STPG4: variants seen among roughly 807,000 people sequenced by gnomAD.
STPG4 encodes sperm-tail PG-rich repeat containing 4, also known as protein STPG4.
Under a neutral mutation model 31.5 loss-of-function variants are expected in STPG4, and 41 were observed. The observed-to-expected ratio is 1.30, with a 90% CI of 1.01 to 1.69. The LOEUF (loss-of-function observed/expected upper bound fraction) is 1.69, where lower values mean the gene tolerates loss of function less well. Among genes scored for constraint, STPG4 ranks in the 40% most tolerant of loss-of-function variants. The probability of loss-of-function intolerance (pLI) is 0.00; values close to 1 mark genes in which losing one functional copy is unlikely to be tolerated. For missense variants in STPG4, 375 were observed against 293.4 expected (o/e 1.28, Z -2.03); for synonymous variants, 141 against 103.0 (o/e 1.37, Z -2.24).
At chr2:47,143,516 C>T (rs1326335151) in intron 3 of STPG4, among the ~76,000 whole-genome samples, 4 of 149,238 alleles carry the variant, frequency 2.7e-5, no homozygotes, top group African/African-American at 4.9e-5. Flanking sequence ...GACAGATTCT[C>T]GCTCTGTCGC....
intron 3 of STPG4, among the ~76,000 whole-genome samples, chr2:47,143,078 G>T (rs1264709520): frequency 6.6e-6 from 1 of 151,678 alleles, no homozygotes; most frequent in African/African-American, 2.4e-5. Context: ...TGCCTGCCTC[G>T]GCCTCCCAAA....
chr2:47,106,942 C>T (rs983405553), intron 5 of STPG4, among the ~76,000 whole-genome samples: 3 of 152,012 alleles, frequency 2.0e-5, no homozygotes, highest in African/African-American at 7.3e-5. Flanking sequence ...ACCCCTGGAC[C>T]GACCCACTGG....
In STPG4 at chr2:47,151,665, A is replaced by C. The variant is rs1287892202; in HGVS notation, c.142-150T>G. The C allele has an allele frequency of 6.1e-6, 4 of 654,540 alleles. No individual in the cohort carries two copies. In the South Asian group the frequency reaches 7.9e-5, roughly 13 times the overall value. The allele number at this position is 654,540 out of a possible 1,614,324, so 40.5% of individuals were successfully genotyped here. Reference sequence around the variant, plus strand: ...AAATACAGTAAACACTCTTGACAGAAGAGTATTTCAAAATCATGATTATTT... The same window carrying C: ...AAATACAGTAAACACTCTTGACAGACGAGTATTTCAAAATCATGATTATTT... On this transcript the variant is annotated intron_variant, in intron 2 of 6. Transcript: ENST00000445927.
chr2:47,142,897 G>A (rs905708312), intron 3 of STPG4, among the ~76,000 whole-genome samples: 1 of 140,156 alleles, frequency 7.1e-6, no homozygotes, highest in African/African-American at 2.7e-5. Context: ...AGGCTGGAGT[G>A]CAGTGGCGCG....
chr2:47,096,980 G>C (rs188370429), intron 5 of STPG4, among the ~76,000 whole-genome samples: 13 of 152,246 alleles, frequency 8.5e-5, no homozygotes, highest in African/African-American at 2.9e-4. Context: ...GGAGAGGCAA[G>C]TGATATGAGG....
chr2:47,153,915 G>A (rs184072944), intron 1 of STPG4, among the ~76,000 whole-genome samples: 1,830 of 152,278 alleles, frequency 0.012, 23 homozygotes, highest in Middle Eastern at 0.02. Context: ...AGTTTCCAAG[G>A]AAGCTTTTGT....
intron 3 of STPG4, among the ~76,000 whole-genome samples, chr2:47,132,638 G>A (rs1454399144): frequency 6.6e-6 from 1 of 152,148 alleles, no homozygotes; most frequent in Admixed American, 6.6e-5. Flanking sequence ...GTGTCTTATA[G>A]AAGCACAGAA....
intron 5 of STPG4, among the ~76,000 whole-genome samples, chr2:47,120,249 T>C (rs1686239419): frequency 6.6e-6 from 1 of 152,152 alleles, no homozygotes; most frequent in Non-Finnish European, 1.5e-5. Context: ...GAGAATCACT[T>C]GAACCCGGGA....
At chr2:47,131,510 T>C (rs1343571031) in intron 3 of STPG4, among the ~76,000 whole-genome samples, 1 of 152,134 alleles carries the variant, frequency 6.6e-6, no homozygotes, top group Non-Finnish European at 1.5e-5. Context: ...GCAGCACTAG[T>C]ACTAGGGAAT....
intron 2 of STPG4, 76 bp from the exon 3 acceptor site, chr2:47,151,591 G>A (rs1686938788): frequency 1.9e-5 from 23 of 1,230,952 alleles, no homozygotes; most frequent in Non-Finnish European, 2.7e-5. Flanking sequence ...TGGATGGGAA[G>A]CTCCCAAGTA....
In STPG4 at chr2:47,089,512, A is replaced by G. The variant is rs538679669; in HGVS notation, c.624+758T>C. On this transcript the variant is annotated intron_variant, in intron 6 of 6. Coordinates refer to ENST00000445927, the MANE Select transcript of STPG4 (RefSeq NM_001163561.2). Reference sequence around the variant, plus strand: ...CCCCTTGACTCCCCTGGGTGGGCCCATTTTCTTACAGGCAGAATTTGTATT... The same window carrying G: ...CCCCTTGACTCCCCTGGGTGGGCCCGTTTTCTTACAGGCAGAATTTGTATT... Among the ~76,000 whole-genome samples the G allele has an allele frequency of 2.0e-5, 3 of 152,156 alleles. No individual in the cohort carries two copies. The South Asian group carries it at 6.2e-4, about 32-fold the overall frequency.
In STPG4 at chr2:47,125,514, C is replaced by A. The variant is rs185931576; in HGVS notation, c.519+4427G>T. On this transcript the variant is annotated intron_variant, in intron 5 of 6. Coordinates refer to ENST00000445927, the MANE Select transcript of STPG4 (RefSeq NM_001163561.2). ...CAGACGGATAGTTTGCAAATATTGT[C>A]CCCCATTATGTGGGTCGTCTCTTCA... 3.1e-4 allele frequency among the ~76,000 whole-genome samples: 47 copies of A among 152,292 alleles called. 1 individual carries two copies. In the East Asian group the frequency reaches 8.7e-3, roughly 28 times the overall value.
At chr2:47,088,835 G>A (rs1289465918) in intron 6 of STPG4, among the ~76,000 whole-genome samples, 1 of 152,192 alleles carries the variant, frequency 6.6e-6, no homozygotes, top group Admixed American at 6.5e-5. Flanking sequence ...GTCAAAGGAA[G>A]CTGAAGCCTT....
intron 6 of STPG4, among the ~76,000 whole-genome samples, chr2:47,087,863 C>G (rs1333899876): frequency 6.6e-6 from 1 of 152,126 alleles, no homozygotes; most frequent in African/African-American, 2.4e-5. Flanking sequence ...ATTCTCCTGC[C>G]TCAGCCTCCC....
intron 3 of STPG4, among the ~76,000 whole-genome samples, chr2:47,141,534 G>T (rs1686707171): frequency 6.8e-6 from 1 of 148,068 alleles, no homozygotes; most frequent in Non-Finnish European, 1.5e-5. Context: ...TACTTTGCAG[G>T]GGCTCTTTGA....
chr2:47,093,877 G>A (rs901339480), intron 5 of STPG4, among the ~76,000 whole-genome samples: 9 of 152,238 alleles, frequency 5.9e-5, no homozygotes, highest in African/African-American at 1.4e-4. Context: ...TGACTATTCT[G>A]AGACTGCTCA....
rs541895294 is a variant in STPG4, at chr2:47,125,879, T to C, written c.519+4062A>G. On this transcript the variant is annotated intron_variant, in intron 5 of 6. Coordinates refer to ENST00000445927, the MANE Select transcript of STPG4 (RefSeq NM_001163561.2). ...CAGCCAGATTTAAGTCTTTAATCCATTTTGATTTGATTTTTGTAAAATGGC... is the reference window on the plus strand; with the variant it reads ...CAGCCAGATTTAAGTCTTTAATCCACTTTGATTTGATTTTTGTAAAATGGC... Among the ~76,000 whole-genome samples the C allele has an allele frequency of 1.8e-4, 27 of 152,262 alleles. No homozygotes were observed. In the Middle Eastern group the frequency reaches 0.017, roughly 96 times the overall value.
chr2:47,088,484 G>C (rs1685504323), intron 6 of STPG4, among the ~76,000 whole-genome samples: 1 of 152,152 alleles, frequency 6.6e-6, no homozygotes, highest in South Asian at 2.1e-4. Flanking sequence ...CAGCTCAGTG[G>C]GAGCCTGGGC....
At chr2:47,146,718 T>C (rs1011534652) in intron 3 of STPG4, among the ~76,000 whole-genome samples, 11 of 152,026 alleles carry the variant, frequency 7.2e-5, no homozygotes, top group African/African-American at 2.2e-4. Context: ...TGAGCAGAGA[T>C]GGAGCAGAGG....
Sources: allele counts gnomAD v4.1 joint callset (sites outside exome capture counted in the v4.1 genomes callset), GRCh38; gene constraint gnomAD v4.1.1; transcripts MANE v1.5; gene names NCBI Gene and HGNC (gene_info 2026-07-23, HGNC 2026-07-21).